The following CCDC171 variants were observed in gnomAD, a reference collection of about 807,000 sequenced individuals.
CCDC171 encodes the protein coiled-coil domain-containing protein 171.
Under a neutral mutation model 168.2 loss-of-function variants are expected in CCDC171, and 177 were observed. That is an observed-to-expected ratio of 1.05 (90% confidence interval 0.93 to 1.19). The LOEUF (loss-of-function observed/expected upper bound fraction) is 1.19. CCDC171 is among the 50% of genes most tolerant of loss of function. The probability of loss-of-function intolerance (pLI) is 0.00; values close to 1 mark genes in which losing one functional copy is unlikely to be tolerated. For synonymous variants in CCDC171, 687 were observed against 540.8 expected, an observed-to-expected ratio of 1.27 and a Z score of -3.75; for missense variants, 1,991 against 1,539.0, an observed-to-expected ratio of 1.29 and a Z score of -4.91.
intron 4 of CCDC171, among the ~76,000 whole-genome samples, chr9:15,589,507 A>G (rs2131416430): frequency 6.6e-6 from 1 of 152,342 alleles, no homozygotes; most frequent in South Asian, 2.1e-4. Context: ...TGTTAATGTG[A>G]AATGTCAACC....
chr9:15,682,746 T>C (rs1048155807), intron 10 of CCDC171, among the ~76,000 whole-genome samples: 8 of 152,046 alleles, frequency 5.3e-5, no homozygotes, highest in African/African-American at 1.9e-4. Flanking sequence ...TTTATTTTCA[T>C]GTTTACATGA....
At chr9:15,569,390 T>C (rs2040017292) in intron 2 of CCDC171, among the ~76,000 whole-genome samples, 1 of 152,208 alleles carries the variant, frequency 6.6e-6, no homozygotes. Context: ...ATAAATAAGT[T>C]TATATATGTA....
intron 16 of CCDC171, among the ~76,000 whole-genome samples, chr9:15,730,760 C>A (rs1288093509): frequency 6.6e-6 from 1 of 151,974 alleles, no homozygotes; most frequent in African/African-American, 2.4e-5. Context: ...AATGAATCAA[C>A]AAACGTGCCA....
chr9:15,800,135 A>T (rs2058750112), intron 21 of CCDC171, among the ~76,000 whole-genome samples: 2 of 152,144 alleles, frequency 1.3e-5, no homozygotes, highest in Admixed American at 6.6e-5. Context: ...TATACCCAGC[A>T]GTGGGATTGC....
intron 25 of CCDC171, among the ~76,000 whole-genome samples, chr9:15,950,093 T>C (rs9407696): frequency 0.76 from 114,892 of 151,972 alleles, 44,344 homozygotes; most frequent in East Asian, 0.86. Flanking sequence ...TAAAAAGAAA[T>C]GAGCAAAGCC....
chr9:15,558,163 C>T (rs1395652642), intron 1 of CCDC171, among the ~76,000 whole-genome samples: 1 of 151,954 alleles, frequency 6.6e-6, no homozygotes, highest in African/African-American at 2.4e-5. Flanking sequence ...AGGATTTTTG[C>T]ATCAATGTTC....
At chr9:16,059,362 A>C (rs1049409231) in intron 1 of CCDC171, among the ~76,000 whole-genome samples, 2 of 152,090 alleles carry the variant, frequency 1.3e-5, no homozygotes, top group Non-Finnish European at 2.9e-5. Context: ...GCCCAATTAG[A>C]GGCATCCCCG....
At chr9:15,906,673 G>C (rs1822677847) in intron 24 of CCDC171, among the ~76,000 whole-genome samples, 1 of 152,118 alleles carries the variant, frequency 6.6e-6, no homozygotes, top group Admixed American at 6.5e-5. Context: ...TTCTGGCCAG[G>C]GCAATCAGGC....
intron 24 of CCDC171, among the ~76,000 whole-genome samples, chr9:15,880,534 C>T (rs899029937): frequency 6.7e-6 from 1 of 149,082 alleles, no homozygotes; most frequent in Admixed American, 6.7e-5. Flanking sequence ...TCGGCTCATT[C>T]CAACCTCCCG....
Position 15,989,955 on chromosome 9 carries a change from G to T in CCDC171, n.369-30634G>T, listed in dbSNP as rs568718778. The stretch of plus-strand genomic sequence containing the variant: ...AAAAGACCATATCTATGTCTGATTG[G>T]TGTACTTGAAAGTGACGGGGAGAAA... On this transcript the variant is annotated intron_variant and non_coding_transcript_variant, in intron 3 of 9. Coordinates refer to the CCDC171 transcript ENST00000486641. Among the ~76,000 whole-genome samples, 189 of 152,318 alleles carry T rather than the reference G, an allele frequency of 1.2e-3. 1 individual carries two copies. The highest frequency in any genetic ancestry group is 3.1e-4 in the Non-Finnish European group (21 of 68,032).
At chr9:15,739,760 C>G (rs1158913730) in intron 16 of CCDC171, among the ~76,000 whole-genome samples, 1 of 139,258 alleles carries the variant, frequency 7.2e-6, no homozygotes, top group Non-Finnish European at 1.6e-5. Context: ...TTTTTTGATA[C>G]CAAGTCTCAC....
At chr9:15,922,080 A>G (rs940141457) in intron 25 of CCDC171, 2 of 274,040 alleles carry the variant, frequency 7.3e-6, no homozygotes, top group Non-Finnish European at 1.7e-5. Context: ...TCTACTTTTC[A>G]ACACTTTTTC....
Position 15,945,969 on chromosome 9 carries a change from G to A in CCDC171, c.3753+25547G>A, listed in dbSNP as rs202063517. 6.6e-5 allele frequency among the ~76,000 whole-genome samples: 10 copies of A among 151,330 alleles called. No individual in the cohort carries two copies. The East Asian group carries it at 2.0e-3, about 31-fold the overall frequency. On this transcript the variant is annotated intron_variant, in intron 25 of 25. Coordinates refer to ENST00000380701, the MANE Select transcript of CCDC171 (RefSeq NM_173550.4). ...AAGTCCTTGCCCATGCCTATGTCCT[G>A]AATGGTAATGCCTAGGTTTTCTTCT...
At chr9:15,614,545 C>G (rs951620244) in intron 6 of CCDC171, among the ~76,000 whole-genome samples, 3 of 152,150 alleles carry the variant, frequency 2.0e-5, no homozygotes, top group African/African-American at 7.2e-5. Context: ...TTTTTGCCAG[C>G]ATTCTTGTTG....
intron 11 of CCDC171, among the ~76,000 whole-genome samples, chr9:15,706,740 A>G (rs1228938583): frequency 1.3e-5 from 2 of 152,130 alleles, no homozygotes; most frequent in Non-Finnish European, 2.9e-5. Context: ...AGGGTGGTTG[A>G]CTTTCATGTT....
At chr9:15,955,311 G>C (rs1829681383) in intron 25 of CCDC171, among the ~76,000 whole-genome samples, 1 of 152,138 alleles carries the variant, frequency 6.6e-6, no homozygotes, top group Non-Finnish European at 1.5e-5. Context: ...AGGGAAGAAA[G>C]GATGCTGGCC....
chr9:15,616,790 A>C (rs2044115343), intron 6 of CCDC171, among the ~76,000 whole-genome samples: 2 of 152,326 alleles, frequency 1.3e-5, no homozygotes, highest in Admixed American at 1.3e-4. Flanking sequence ...TCATATATGA[A>C]AGTACTCTTA....
intron 25 of CCDC171, among the ~76,000 whole-genome samples, chr9:15,926,093 G>A (rs937585793): frequency 1.3e-5 from 2 of 151,700 alleles, no homozygotes; most frequent in African/African-American, 2.4e-5. Flanking sequence ...GCACAAATGA[G>A]AGAAGAGTAC....
At chr9:15,920,936 T>G (rs185179965) in intron 25 of CCDC171, among the ~76,000 whole-genome samples, 102 of 150,736 alleles carry the variant, frequency 6.8e-4, no homozygotes, top group African/African-American at 2.3e-3. Flanking sequence ...TTTCAGCCCA[T>G]GATGAAGTTT....
Sources: gnomAD v4.1 joint callset for allele counts (sites outside exome capture counted in the v4.1 genomes callset) on GRCh38, gnomAD v4.1.1 for gene constraint, MANE v1.5 for transcripts, NCBI Gene and HGNC (gene_info 2026-07-23, HGNC 2026-07-21) for gene names.